STK10: variants seen among roughly 807,000 people sequenced by gnomAD.
The protein encoded by STK10 is serine/threonine-protein kinase 10.
Under a neutral mutation model 113.8 loss-of-function variants are expected in STK10, and 78 were observed. The ratio of observed to expected loss-of-function variants is 0.69; its 90% CI spans 0.57 to 0.83. STK10 has a LOEUF of 0.83. STK10 is among the 40% of genes least tolerant of loss of function. STK10 has a pLI of 0.00. For missense variants in STK10, 1,109 were observed against 1,280.1 expected (o/e 0.87, Z 2.04); for synonymous variants, 465 against 494.7 (o/e 0.94, Z 0.80).
chr5:172,064,940 C>A (rs968521690), intron 12 of STK10, 128 bp from the exon 13 acceptor site: 8 of 936,430 alleles, frequency 8.5e-6, no homozygotes, highest in African/African-American at 8.2e-5. Context: ...GCGGCCAGCA[C>A]CCTACGCGGC....
At chr5:172,163,590 G>C (rs1222089203) in intron 1 of STK10, among the ~76,000 whole-genome samples, 5 of 152,180 alleles carry the variant, frequency 3.3e-5, no homozygotes, top group African/African-American at 1.2e-4. Flanking sequence ...CAGCAGGACT[G>C]TGAGCTGTCA....
At position 172,042,087 on chromosome 5, in the gene STK10, T is replaced by C. The variant is rs1203382814; in HGVS notation, c.*2795A>G. On this transcript the variant is annotated 3_prime_UTR_variant, in exon 19 of 19. Coordinates refer to ENST00000176763, the MANE Select transcript of STK10 (RefSeq NM_005990.4). Reference sequence around the variant, plus strand: ...ACAACCTGAACGGCAAATAACCTTGTTATTTTATTAGAAGCATATTTACAT... The same window carrying C: ...ACAACCTGAACGGCAAATAACCTTGCTATTTTATTAGAAGCATATTTACAT... 1 of 152,758 alleles carries C rather than the reference T, an allele frequency of 6.5e-6. No individual in the cohort carries two copies. The highest frequency in any genetic ancestry group is 2.4e-5 in the African/African-American group (1 of 41,570). 9.5% of individuals were successfully genotyped at this position (152,758 alleles called of 1,614,324 possible). A position where few individuals can be genotyped will look rare whatever the true frequency, so the allele number is the denominator to read the frequency against.
At chr5:172,059,129 C>T (rs112388984) in intron 14 of STK10, among the ~76,000 whole-genome samples, 128 of 150,412 alleles carry the variant, frequency 8.5e-4, no homozygotes, top group Non-Finnish European at 1.5e-3. Flanking sequence ...ACTCAGGAGG[C>T]TGAGGCAGGA....
intron 2 of STK10, among the ~76,000 whole-genome samples, chr5:172,135,453 A>C (rs529220384): frequency 1.1e-4 from 16 of 152,274 alleles, no homozygotes; most frequent in African/African-American, 2.9e-4. Context: ...CGGAGGTTGC[A>C]GTGAGCCAAG....
At chr5:172,077,500 T>C (rs998134011) in intron 12 of STK10, among the ~76,000 whole-genome samples, 1 of 152,200 alleles carries the variant, frequency 6.6e-6, no homozygotes, top group Non-Finnish European at 1.5e-5. Context: ...GACCATCAAG[T>C]CCCTTCTTAC....
At chr5:172,114,461 ATATATATATATATTTTT>A (rs1769323138) in intron 4 of STK10, 1 of 29,674 alleles carries the variant, frequency 3.4e-5, no homozygotes, top group African/African-American at 1.5e-4. Flanking sequence ...ATATATATAT[ATATATATATATATTTTT>A]TTTTTTTTTT....
In STK10 at chr5:172,120,224, G is replaced by C. The variant is rs972801740; in HGVS notation, c.371-2594C>G. Among the ~76,000 whole-genome samples the C allele has an allele frequency of 6.6e-6, 1 of 152,204 alleles. No individual in the cohort carries two copies. The highest frequency in any genetic ancestry group is 6.5e-5 in the Admixed American group (1 of 15,278). On this transcript the variant is annotated intron_variant, in intron 3 of 18. Coordinates refer to ENST00000176763, the MANE Select transcript of STK10 (RefSeq NM_005990.4). This position sits in a 1 kb window ranked among gnomAD's most constrained non-coding sequence, Gnocchi z 4.0. ...GGCTTCTAAGCCTGGTCACCAAAGG[G>C]CACTGCTCCGAGTCTTCCCTCTGCC... is the stretch of plus-strand genomic sequence containing the variant.
chr5:172,119,791 G>A (rs887537170), intron 3 of STK10, among the ~76,000 whole-genome samples: 3 of 148,634 alleles, frequency 2.0e-5, no homozygotes, highest in East Asian at 1.9e-4. Flanking sequence ...GTGAACCCGG[G>A]AGGCAGAGCT....
At chr5:172,112,492 C>T (rs1416390387) in intron 4 of STK10, among the ~76,000 whole-genome samples, 1 of 148,306 alleles carries the variant, frequency 6.7e-6, no homozygotes, top group Admixed American at 6.9e-5. Context: ...GTGATCTTCG[C>T]TCACTGCAAG....
chr5:172,126,251 G>A (rs943062218), intron 3 of STK10, among the ~76,000 whole-genome samples: 4 of 152,188 alleles, frequency 2.6e-5, no homozygotes, highest in African/African-American at 9.7e-5. Flanking sequence ...TGATCTGGGT[G>A]AGTCCCTTAA....
intron 4 of STK10, among the ~76,000 whole-genome samples, chr5:172,117,033 T>C (rs1581164794): frequency 1.3e-5 from 2 of 150,544 alleles, no homozygotes; most frequent in African/African-American, 2.4e-5. Flanking sequence ...AATCCCAGCA[T>C]TTTGGGAGGC....
chr5:172,151,429 C>T (rs934155038), intron 2 of STK10, among the ~76,000 whole-genome samples: 1 of 152,038 alleles, frequency 6.6e-6, no homozygotes, highest in Non-Finnish European at 1.5e-5. Context: ...TCATTGCAAC[C>T]TCCACCTCCC....
intron 2 of STK10, among the ~76,000 whole-genome samples, chr5:172,141,226 T>C (rs971318198): frequency 2.6e-5 from 4 of 152,240 alleles, no homozygotes; most frequent in Non-Finnish European, 5.9e-5. Context: ...CAATGTGCTG[T>C]ACACGTTAAA....
At chr5:172,052,906 C>T (rs1454263864) in intron 18 of STK10, 23 bp downstream of exon 18, 2 of 1,610,762 alleles carry the variant, frequency 1.2e-6, no homozygotes, top group Non-Finnish European at 1.7e-6. Context: ...CGAGACTGAG[C>T]CCACCAGCTC....
At chr5:172,156,881 CA>C in intron 1 of STK10, 93 bp from the exon 2 acceptor site, 1 of 1,441,414 alleles carries the variant, frequency 6.9e-7, no homozygotes. Flanking sequence ...AGTGTGAAAA[CA>C]GAGGCCGGAT....
chr5:172,080,946 T>C (rs1430572893), intron 12 of STK10, among the ~76,000 whole-genome samples: 1 of 152,238 alleles, frequency 6.6e-6, no homozygotes, highest in East Asian at 1.9e-4. Flanking sequence ...AGTCAATGCC[T>C]GGCTTCAAAG....
chr5:172,167,969 A>G (rs1410240271), intron 1 of STK10, among the ~76,000 whole-genome samples: 1 of 152,236 alleles, frequency 6.6e-6, no homozygotes, highest in Non-Finnish European at 1.5e-5. Flanking sequence ...TCAGCAGAGG[A>G]ACCCCACCCA....
chr5:172,107,664 C>A, intron 5 of STK10, 116 bp downstream of exon 5: 4 of 593,434 alleles, frequency 6.7e-6, no homozygotes, highest in Non-Finnish European at 1.0e-5. Flanking sequence ...TAGTAAGCCA[C>A]GAGGCAGGGC....
intron 18 of STK10, chr5:172,045,394 G>A: frequency 2.1e-6 from 1 of 480,350 alleles, no homozygotes; most frequent in Non-Finnish European, 4.1e-6. Flanking sequence ...AAGCAGAGAT[G>A]TCAGAAGTTT....
Sources: gnomAD v4.1 joint callset for allele counts (sites outside exome capture counted in the v4.1 genomes callset) on GRCh38, gnomAD v4.1.1 for gene constraint, Gnocchi (gnomAD v3.1) non-coding constraint, MANE v1.5 for transcripts, NCBI Gene and HGNC (gene_info 2026-07-23, HGNC 2026-07-21) for gene names.